Variants in DGKB observed in about 807,000 individuals in gnomAD.
DGKB encodes the protein 90 kDa diacylglycerol kinase.
Under a neutral mutation model 114.3 loss-of-function variants are expected in DGKB, and 67 were observed. The observed-to-expected ratio is 0.59, with a 90% CI of 0.48 to 0.72. The LOEUF (loss-of-function observed/expected upper bound fraction) is 0.72, where lower values mean the gene tolerates loss of function less well. Ranked by LOEUF, DGKB falls within the 30% of genes least tolerant of loss-of-function variation. The probability of loss-of-function intolerance (pLI) is 0.00; values close to 1 mark genes in which losing one functional copy is unlikely to be tolerated. For missense variants in DGKB, 907 were observed against 975.2 expected, an observed-to-expected ratio of 0.93 and a Z score of 0.93; for synonymous variants, 398 against 323.1, an observed-to-expected ratio of 1.23 and a Z score of -2.49.
chr7:14,328,826 T>C (rs761785504), intron 23 of DGKB, among the ~76,000 whole-genome samples: 109 of 152,030 alleles, frequency 7.2e-4, no homozygotes, highest in Non-Finnish European at 1.2e-3. Flanking sequence ...CCTTATAATA[T>C]TCAGACCTCA....
rs75365897 is a variant in DGKB, at chr7:14,261,724, T to C, written c.2122+76791A>G. ...ACATAGTTTATATAGATATAATTTG[T>C]GACGTTTTAACAGAGGTAAAATAAT... On this transcript the variant is annotated intron_variant, in intron 23 of 25. Transcript: ENST00000402815. 3.3e-5 allele frequency among the ~76,000 whole-genome samples: 5 copies of C among 152,188 alleles called. No individual in the cohort carries two copies. In the East Asian group the frequency reaches 9.6e-4, roughly 29 times the overall value.
At chr7:14,220,921 T>G (rs543388701) in intron 23 of DGKB, among the ~76,000 whole-genome samples, 52 of 151,572 alleles carry the variant, frequency 3.4e-4, no homozygotes, top group African/African-American at 1.1e-3. Context: ...TAGCATTTTA[T>G]TCTTTTCTGA....
intron 20 of DGKB, among the ~76,000 whole-genome samples, 167 bp downstream of exon 20, chr7:14,574,045 T>A: frequency 6.6e-6 from 1 of 152,276 alleles, no homozygotes; most frequent in Non-Finnish European, 1.5e-5. Flanking sequence ...GCGATGATAA[T>A]AATGATAGTC....
intron 1 of DGKB, among the ~76,000 whole-genome samples, chr7:14,865,203 T>C (rs1851535441): frequency 6.6e-6 from 1 of 152,148 alleles, no homozygotes; most frequent in Non-Finnish European, 1.5e-5. Flanking sequence ...TGAATAAAAA[T>C]TATGTTGCAT....
intron 21 of DGKB, among the ~76,000 whole-genome samples, chr7:14,397,358 G>A (rs1350159451): frequency 1.3e-5 from 2 of 152,076 alleles, no homozygotes; most frequent in Non-Finnish European, 1.5e-5. Flanking sequence ...TATTTTAGGA[G>A]AATAGAAGTA....
chr7:14,758,489 AG>A (rs371279211), intron 2 of DGKB, among the ~76,000 whole-genome samples: 199 of 152,274 alleles, frequency 1.3e-3, no homozygotes, highest in African/African-American at 4.5e-3. Flanking sequence ...TTAAGTTAGA[AG>A]GAAATAATAG....
At chr7:14,341,990 T>C (rs1023071472) in intron 22 of DGKB, among the ~76,000 whole-genome samples, 20 of 151,880 alleles carry the variant, frequency 1.3e-4, no homozygotes, top group Admixed American at 1.3e-3. Flanking sequence ...ACGTAAAACA[T>C]TACTTTATAG....
intron 22 of DGKB, among the ~76,000 whole-genome samples, chr7:14,343,891 ATATT>A (rs1361520210): frequency 1.4e-5 from 2 of 147,918 alleles, no homozygotes; most frequent in African/African-American, 4.9e-5. Flanking sequence ...TATATACTAT[ATATT>A]TAACTATATA....
At chr7:14,700,020 C>T (rs567872781) in intron 7 of DGKB, among the ~76,000 whole-genome samples, 1 of 152,008 alleles carries the variant, frequency 6.6e-6, no homozygotes, top group African/African-American at 2.4e-5. Flanking sequence ...TAAAACAACT[C>T]TCCTTGAAAA....
At chr7:14,578,799 T>A (rs1020551424) in intron 19 of DGKB, among the ~76,000 whole-genome samples, 2 of 152,212 alleles carry the variant, frequency 1.3e-5, no homozygotes, top group African/African-American at 4.8e-5. Flanking sequence ...TGTGTCAGTG[T>A]GTTACTCTGC....
At chr7:14,609,861 T>C (rs55681155) in intron 16 of DGKB, among the ~76,000 whole-genome samples, 40,145 of 151,826 alleles carry the variant, frequency 0.26, 6,215 homozygotes, top group East Asian at 0.68. Flanking sequence ...TATTAAAAAG[T>C]CAAAAACCAG....
chr7:14,200,677 A>G (rs903702113), intron 23 of DGKB, among the ~76,000 whole-genome samples: 4 of 152,062 alleles, frequency 2.6e-5, no homozygotes, highest in South Asian at 2.1e-4. Flanking sequence ...TAGTAGATCA[A>G]TGTATGCCAG....
At chr7:14,197,207 C>T (rs947498993) in intron 23 of DGKB, among the ~76,000 whole-genome samples, 29 of 152,002 alleles carry the variant, frequency 1.9e-4, no homozygotes, top group Admixed American at 5.2e-4. Flanking sequence ...AAGAGATATA[C>T]CCCCTTTTTA....
chr7:14,185,790 G>A (rs1783331862), intron 23 of DGKB, among the ~76,000 whole-genome samples: 1 of 152,170 alleles, frequency 6.6e-6, no homozygotes, highest in African/African-American at 2.4e-5. Context: ...TTTAACAAAT[G>A]GTGCTGGGAT....
intron 5 of DGKB, among the ~76,000 whole-genome samples, chr7:14,723,474 G>A (rs1037425153): frequency 6.6e-6 from 1 of 152,056 alleles, no homozygotes; most frequent in African/African-American, 2.4e-5. Context: ...GACACTTAAA[G>A]TAGTATAATC....
chr7:14,787,006 C>A (rs2128498620), intron 2 of DGKB, among the ~76,000 whole-genome samples: 1 of 152,298 alleles, frequency 6.6e-6, no homozygotes, highest in African/African-American at 2.4e-5. Context: ...CACTGTAAGT[C>A]TCTTCTTAGC....
At chr7:14,512,400 C>T (rs1195273066) in intron 20 of DGKB, among the ~76,000 whole-genome samples, 1 of 152,136 alleles carries the variant, frequency 6.6e-6, no homozygotes, top group African/African-American at 2.4e-5. Context: ...AGAATTTTCT[C>T]TATCAGAACT....
At chr7:14,706,189 T>G (rs13221497) in intron 6 of DGKB, among the ~76,000 whole-genome samples, 50,704 of 131,982 alleles carry the variant, frequency 0.38, 9,182 homozygotes, top group East Asian at 0.82. Context: ...AAACAGACTT[T>G]AAACCAACAA....
intron 1 of DGKB, among the ~76,000 whole-genome samples, chr7:14,963,001 C>T (rs1786946964): frequency 6.6e-6 from 1 of 152,082 alleles, no homozygotes; most frequent in African/African-American, 2.4e-5. Flanking sequence ...CTCTTCCGTT[C>T]TCATATTTGT....
Sources: gnomAD v4.1 joint callset for allele counts (sites outside exome capture counted in the v4.1 genomes callset) on GRCh38, gnomAD v4.1.1 for gene constraint, MANE v1.5 for transcripts, NCBI Gene and HGNC (gene_info 2026-07-23, HGNC 2026-07-21) for gene names.